Variants in SEPTIN9 observed in about 807,000 individuals in gnomAD.
SEPTIN9 encodes the protein septin-9.
A neutral mutation model predicts 56.6 loss-of-function variants in SEPTIN9; 13 were observed. The observed-to-expected ratio is 0.23, with a 90% confidence interval of 0.15 to 0.37. The LOEUF is 0.37. SEPTIN9 is among the 10% of genes least tolerant of loss of function. SEPTIN9 has a pLI of 1.00. For missense variants in SEPTIN9, 650 were observed against 823.1 expected (o/e 0.79, Z 2.57); for synonymous variants, 332 against 334.1 (o/e 0.99, Z 0.07).
intron 1 of SEPTIN9, among the ~76,000 whole-genome samples, chr17:77,291,059 A>C (rs2031526565): frequency 8.0e-6 from 1 of 124,856 alleles, no homozygotes. Context: ...TTTTTGAGAC[A>C]GAGTCTTACT....
intron 2 of SEPTIN9, among the ~76,000 whole-genome samples, chr17:77,353,817 C>T (rs1160469732): frequency 6.6e-6 from 1 of 152,220 alleles, no homozygotes; most frequent in Non-Finnish European, 1.5e-5. Context: ...TAATGAAACA[C>T]TGTGTCAGAT....
intron 1 of SEPTIN9, among the ~76,000 whole-genome samples, chr17:77,282,110 C>G (rs1049359564): frequency 6.6e-6 from 1 of 152,220 alleles, no homozygotes; most frequent in African/African-American, 2.4e-5. Context: ...CTCACTCCAC[C>G]CTAGCAGGGC....
intron 2 of SEPTIN9, among the ~76,000 whole-genome samples, chr17:77,309,986 T>A (rs1176407185): frequency 1.3e-5 from 2 of 151,612 alleles, no homozygotes; most frequent in Non-Finnish European, 2.9e-5. Flanking sequence ...GGTCTCCTTT[T>A]TTTTTTTTTT....
At position 77,453,165 on chromosome 17, in the gene SEPTIN9, C is replaced by G. The variant is rs984462755; in HGVS notation, c.722-28979C>G. ...ATTCAGCTGCGGTGGGGAGGACCCA[C>G]TGTGTGCGCCTGGGGGGTGGCGTGG... On this transcript the variant is annotated intron_variant, in intron 3 of 11. Coordinates refer to ENST00000427177, the MANE Select transcript of SEPTIN9 (RefSeq NM_001113491.2). This position sits in a 1 kb window ranked among gnomAD's most constrained non-coding sequence, Gnocchi z 4.4. Among the ~76,000 whole-genome samples the G allele has an allele frequency of 6.6e-6, 1 of 152,042 alleles. No individual in the cohort carries two copies. The highest frequency in any genetic ancestry group is 2.4e-5 in the African/African-American group (1 of 41,382).
chr17:77,383,470 A>AT (rs897663752), intron 2 of SEPTIN9, among the ~76,000 whole-genome samples: 3 of 139,460 alleles, frequency 2.2e-5, no homozygotes, highest in Non-Finnish European at 4.6e-5. Context: ...GCATCCATCC[A>AT]TCACTCCCCC....
intron 2 of SEPTIN9, chr17:77,373,077 G>C (rs1003194395): frequency 1.8e-6 from 1 of 550,252 alleles, no homozygotes; most frequent in South Asian, 7.9e-5. Flanking sequence ...CCCGGGGGGA[G>C]GGGCTGAGGC....
rs1018410653 is a variant in SEPTIN9, at chr17:77,487,269, C to T, written c.914-155C>T. Among the ~76,000 whole-genome samples, 1 of 152,106 alleles carries T rather than the reference C, an allele frequency of 6.6e-6. No individual in the cohort carries two copies. The highest frequency in any genetic ancestry group is 2.4e-5 in the African/African-American group (1 of 41,430). On this transcript the variant is annotated intron_variant, in intron 4 of 11. Coordinates refer to ENST00000427177, the MANE Select transcript of SEPTIN9 (RefSeq NM_001113491.2). This position sits in a 1 kb window ranked among gnomAD's most constrained non-coding sequence, Gnocchi z 4.3. ...ACACCCGGCTCGAGGGTGAAGTCCTCGGGGGCTGCTTGGCAGGGATATTGC... is the reference window on the plus strand; with the variant it reads ...ACACCCGGCTCGAGGGTGAAGTCCTTGGGGGCTGCTTGGCAGGGATATTGC...
At position 77,476,731 on chromosome 17, in the gene SEPTIN9, C is replaced by G. The variant is rs754618694; in HGVS notation, c.722-5413C>G. On this transcript the variant is annotated intron_variant, in intron 3 of 11. Transcript: ENST00000427177. This position sits in a 1 kb window ranked among gnomAD's most constrained non-coding sequence, Gnocchi z 6.0. ...CTGCAGAGAAACTGTCAAGGTCTCC[C>G]GCCACCTGACACCTCCGCCTGGCTG... 6.6e-6 allele frequency among the ~76,000 whole-genome samples: 1 copy of G among 152,166 alleles called. No individual in the cohort carries two copies. The highest frequency in any genetic ancestry group is 1.5e-5 in the Non-Finnish European group (1 of 68,024).
At chr17:77,309,065 C>T (rs1275330567) in intron 2 of SEPTIN9, among the ~76,000 whole-genome samples, 1 of 152,254 alleles carries the variant, frequency 6.6e-6, no homozygotes, top group Non-Finnish European at 1.5e-5. Context: ...TCTCCGGCTC[C>T]GCATCTGATC....
At chr17:77,394,776 C>T (rs1164532911) in intron 2 of SEPTIN9, among the ~76,000 whole-genome samples, 1 of 152,194 alleles carries the variant, frequency 6.6e-6, no homozygotes, top group Non-Finnish European at 1.5e-5. Flanking sequence ...GTGGTCAGAG[C>T]AGGGGCCTTA....
Position 77,397,764 on chromosome 17 carries a change from C to T in SEPTIN9, c.77-4295C>T, listed in dbSNP as rs551365681. On this transcript the variant is annotated intron_variant, in intron 2 of 11. Coordinates refer to ENST00000427177, the MANE Select transcript of SEPTIN9 (RefSeq NM_001113491.2). ...TCCCGAATTTAAGTGATTCTTCTGC[C>T]TCAGCCTTCCAAGTAGCTGGGATTA... Among the ~76,000 whole-genome samples the T allele has an allele frequency of 1.2e-4, 18 of 152,294 alleles. No individual in the cohort carries two copies. In the South Asian group the frequency reaches 3.7e-3, roughly 32 times the overall value.
chr17:77,357,477 C>T (rs1293683611), intron 2 of SEPTIN9, among the ~76,000 whole-genome samples: 1 of 152,210 alleles, frequency 6.6e-6, no homozygotes, highest in Non-Finnish European at 1.5e-5. Flanking sequence ...TTTATCACCT[C>T]ACCGTCCATC....
At chr17:77,401,980 C>A in intron 2 of SEPTIN9, 79 bp from the exon 3 acceptor site, 2 of 1,469,466 alleles carry the variant, frequency 1.4e-6, no homozygotes, top group Non-Finnish European at 9.3e-7. Flanking sequence ...CCTTCCTCTG[C>A]TGCTCCTTAG....
intron 3 of SEPTIN9, among the ~76,000 whole-genome samples, chr17:77,478,412 A>G (rs1161876345): frequency 6.6e-6 from 1 of 152,194 alleles, no homozygotes; most frequent in Non-Finnish European, 1.5e-5. Flanking sequence ...CATCTTAAAG[A>G]GCTAGAGATA....
intron 2 of SEPTIN9, among the ~76,000 whole-genome samples, chr17:77,333,914 G>A (rs774475436): frequency 9.3e-6 from 1 of 107,312 alleles, no homozygotes; most frequent in Non-Finnish European, 1.8e-5. Flanking sequence ...AAAATTATCT[G>A]TCCACGTCTT....
At chr17:77,489,181 G>A (rs1368478455) in intron 7 of SEPTIN9, among the ~76,000 whole-genome samples, 1 of 152,188 alleles carries the variant, frequency 6.6e-6, no homozygotes, top group Non-Finnish European at 1.5e-5. Flanking sequence ...GGCAGGTGGA[G>A]TGGGAGCCCC....
chr17:77,408,509 G>C (rs1452959217), intron 3 of SEPTIN9, among the ~76,000 whole-genome samples: 2 of 152,232 alleles, frequency 1.3e-5, no homozygotes, highest in African/African-American at 4.8e-5. Flanking sequence ...CGGGCCGTGT[G>C]TTCCAGGGGC....
At chr17:77,331,066 G>A (rs539612875) in intron 2 of SEPTIN9, among the ~76,000 whole-genome samples, 9 of 152,292 alleles carry the variant, frequency 5.9e-5, no homozygotes, top group East Asian at 5.8e-4. Flanking sequence ...AAAGAACTAC[G>A]GCTTCAGGCT....
chr17:77,293,109 T>A (rs978012127), intron 1 of SEPTIN9, among the ~76,000 whole-genome samples: 1 of 152,030 alleles, frequency 6.6e-6, no homozygotes, highest in African/African-American at 2.4e-5. Flanking sequence ...CTTGAACTCC[T>A]GAGCTCAAGC....
Sources: allele counts gnomAD v4.1 joint callset (sites outside exome capture counted in the v4.1 genomes callset), GRCh38; gene constraint gnomAD v4.1.1; non-coding constraint Gnocchi (gnomAD v3.1); transcripts MANE v1.5; gene names NCBI Gene and HGNC (gene_info 2026-07-23, HGNC 2026-07-21).